ATP6V0A1: variants seen among roughly 807,000 people sequenced by gnomAD.
ATP6V0A1 encodes the protein ATPase H+ transporting V0 subunit a1, also known as V-type proton ATPase 116 kDa subunit a 1.
Under a neutral mutation model 105.4 loss-of-function variants are expected in ATP6V0A1, and 43 were observed. The ratio of observed to expected loss-of-function variants is 0.41; its 90% CI spans 0.32 to 0.53. The LOEUF (loss-of-function observed/expected upper bound fraction) is 0.53, where lower values mean the gene tolerates loss of function less well. Among genes scored for constraint, ATP6V0A1 ranks in the 20% least tolerant of loss-of-function variants. The probability of loss-of-function intolerance (pLI) is 0.30; values close to 1 mark genes in which losing one functional copy is unlikely to be tolerated. For missense variants in ATP6V0A1, 676 were observed against 1,051.1 expected (o/e 0.64, Z 4.93); for synonymous variants, 362 against 372.8 (o/e 0.97, Z 0.33).
chr17:42,459,673 G>A (rs1265359051), intron 1 of ATP6V0A1, among the ~76,000 whole-genome samples: 2 of 152,188 alleles, frequency 1.3e-5, no homozygotes, highest in Non-Finnish European at 2.9e-5. Flanking sequence ...CTTTGTTTAA[G>A]GGTGGTGCCG....
intron 21 of ATP6V0A1, chr17:42,518,744 C>G (rs1567878095): frequency 6.6e-6 from 1 of 152,292 alleles, no homozygotes; most frequent in Non-Finnish European, 1.5e-5. Flanking sequence ...GCTCTCCTCA[C>G]AGCTGTTGAA....
At position 42,498,924 on chromosome 17, in the gene ATP6V0A1, A is replaced by G; in HGVS notation, c.1561A>G (p.Ile521Val). 1.3e-6 allele frequency: 2 copies of G among 1,599,740 alleles called. No individual in the cohort carries two copies. The highest frequency in any genetic ancestry group is 8.6e-7 in the Non-Finnish European group (1 of 1,167,404). The change falls in exon 15 of 22, where the codon ATT becomes GTT. Residue 521 changes from isoleucine (I) to valine (V), a missense_variant and splice_region_variant. Around this residue, in one of 3 missense-constraint regions of ATP6V0A1, gnomAD observed 435 missense variants for 642.2 expected, o/e 0.68. Coordinates refer to ENST00000343619, the MANE Select transcript of ATP6V0A1 (RefSeq NM_001130021.3). ...TATTTGTTTTCTCGGGTTATGACAG[A>G]TTTGGAACATTGCTACCAATAAACT... ...GGPYPFGIDP[I>V]WNIATNKLTF... is the part of the protein sequence containing the mutation.
At chr17:42,514,766 G>A (rs939655390) in intron 21 of ATP6V0A1, among the ~76,000 whole-genome samples, 1 of 152,140 alleles carries the variant, frequency 6.6e-6, no homozygotes, top group Non-Finnish European at 1.5e-5. Context: ...GGGGCTGCTG[G>A]GGTCTTAGGG....
intron 21 of ATP6V0A1, among the ~76,000 whole-genome samples, chr17:42,517,524 C>T (rs537229522): frequency 6.6e-6 from 1 of 152,304 alleles, no homozygotes; most frequent in South Asian, 2.1e-4. Flanking sequence ...CAGTGCAAAC[C>T]TCCTTTGTGC....
At chr17:42,519,774 C>T (rs1245065542) in intron 21 of ATP6V0A1, 1 of 152,226 alleles carries the variant, frequency 6.6e-6, no homozygotes, top group African/African-American at 2.4e-5. Context: ...TCCTGGAGGA[C>T]CTTGGCCCAC....
chr17:42,483,444 G>T (rs2089770292), intron 9 of ATP6V0A1, among the ~76,000 whole-genome samples: 2 of 150,304 alleles, frequency 1.3e-5, no homozygotes, highest in South Asian at 4.2e-4. Context: ...GTCTCACTCT[G>T]TCACCCAGGC....
rs998236591 is a variant in ATP6V0A1, at chr17:42,458,941, G to C, written c.-70G>C. 5 of 153,336 alleles carry C rather than the reference G, an allele frequency of 3.3e-5. No individual in the cohort carries two copies. The highest frequency in any genetic ancestry group is 9.6e-5 in the African/African-American group (4 of 41,462). The allele number at this position is 153,336 out of a possible 1,614,324, so 9.5% of individuals were successfully genotyped here. A position where few individuals can be genotyped will look rare whatever the true frequency, so the allele number is the denominator to read the frequency against. On this transcript the variant is annotated 5_prime_UTR_variant, in exon 1 of 22. Coordinates refer to ENST00000343619, the MANE Select transcript of ATP6V0A1 (RefSeq NM_001130021.3). ...GTTTGGCTGCGGTGGTTTCTGTGGC[G>C]GTTGCTGTGGCGGAGTTTGGAGGTG...
chr17:42,475,460 C>G (rs1353183615), intron 5 of ATP6V0A1, among the ~76,000 whole-genome samples: 1 of 152,192 alleles, frequency 6.6e-6, no homozygotes, highest in African/African-American at 2.4e-5. Flanking sequence ...GGCCTCAGGA[C>G]AGCTTTGAAT....
At chr17:42,459,796 T>C (rs1463921963) in intron 1 of ATP6V0A1, among the ~76,000 whole-genome samples, 1 of 152,226 alleles carries the variant, frequency 6.6e-6, no homozygotes, top group East Asian at 1.9e-4. Context: ...GAACATCACA[T>C]GCACAAAGGT....
chr17:42,488,858 C>A (rs1298166869), intron 10 of ATP6V0A1, among the ~76,000 whole-genome samples: 4 of 151,256 alleles, frequency 2.6e-5, no homozygotes, highest in African/African-American at 9.7e-5. Context: ...ACTAAAAATA[C>A]AAAAAAGTTA....
chr17:42,472,210 C>T (rs1020117596), intron 5 of ATP6V0A1, among the ~76,000 whole-genome samples: 2 of 151,572 alleles, frequency 1.3e-5, no homozygotes, highest in African/African-American at 4.8e-5. Context: ...CTCACCACCA[C>T]CCCCAGCTAA....
chr17:42,505,714 G>A (rs1309210679), intron 17 of ATP6V0A1, among the ~76,000 whole-genome samples: 1 of 151,938 alleles, frequency 6.6e-6, no homozygotes, highest in Non-Finnish European at 1.5e-5. Flanking sequence ...TTATCTCTTT[G>A]ATGGATGTGT....
At chr17:42,469,380 G>C (rs1210292468) in intron 4 of ATP6V0A1, among the ~76,000 whole-genome samples, 1 of 145,544 alleles carries the variant, frequency 6.9e-6, no homozygotes, top group East Asian at 2.0e-4. Flanking sequence ...ACCCAGCCTG[G>C]AGTGCAGTGG....
chr17:42,495,826 T>G, intron 14 of ATP6V0A1, 110 bp downstream of exon 14: 3 of 964,412 alleles, frequency 3.1e-6, no homozygotes, highest in Non-Finnish European at 4.8e-6. Flanking sequence ...CTGGGCATGG[T>G]CGCTCATGCC....
intron 17 of ATP6V0A1, among the ~76,000 whole-genome samples, chr17:42,503,574 A>G (rs928597225): frequency 8.5e-5 from 13 of 152,226 alleles, no homozygotes; most frequent in African/African-American, 3.1e-4. Flanking sequence ...AAAATCTTAC[A>G]ATGCACAAAT....
Position 42,461,019 on chromosome 17 carries a change from G to A in ATP6V0A1, c.117+8G>A. On this transcript the variant is annotated splice_region_variant and intron_variant, in intron 2 of 21. Transcript: ENST00000343619. ...AAGGTTCAGTTTCGTGACGTAAGTA[G>A]TTGTGGGGCTGCGACTTGATTACTG... The A allele has an allele frequency of 6.2e-7, 1 of 1,606,040 alleles. No homozygotes were observed. The highest frequency in any genetic ancestry group is 8.5e-7 in the Non-Finnish European group (1 of 1,172,646).
At position 42,480,714 on chromosome 17, in the gene ATP6V0A1, T is replaced by C. The variant is rs2089386367; in HGVS notation, c.681T>C (p.Asp227=). ...KSVFIIFFQG[D]QLKNRVKKIC... is the part of the protein sequence containing the mutation. ...TGTTTATCATTTTCTTCCAAGGCGA[T>C]CAGCTGAAAAACAGAGTCAAGAAAA... The change falls in exon 8 of 22, where the codon GAT becomes GAC. Residue 227 remains aspartate (D), a synonymous_variant. Coordinates refer to ENST00000343619, the MANE Select transcript of ATP6V0A1 (RefSeq NM_001130021.3). 9.9e-6 allele frequency: 16 copies of C among 1,613,730 alleles called. No individual in the cohort carries two copies. In the East Asian group the frequency reaches 3.6e-4, roughly 36 times the overall value.
chr17:42,488,599 T>C (rs985336400), intron 10 of ATP6V0A1, among the ~76,000 whole-genome samples: 1 of 152,114 alleles, frequency 6.6e-6, no homozygotes, highest in African/African-American at 2.4e-5. Context: ...AGACTCCCGG[T>C]AGCTGGGACT....
chr17:42,519,068 A>T (rs1185321103), intron 21 of ATP6V0A1: 1 of 152,380 alleles, frequency 6.6e-6, no homozygotes, highest in African/African-American at 2.4e-5. Context: ...TGGCCGCTCT[A>T]AGTCTCTAAA....
Sources: allele counts gnomAD v4.1 joint callset (sites outside exome capture counted in the v4.1 genomes callset), GRCh38; gene constraint gnomAD v4.1.1; regional missense constraint gnomAD v4.1.1; transcripts MANE v1.5; gene names NCBI Gene and HGNC (gene_info 2026-07-23, HGNC 2026-07-21).